Variants in STAMBP observed in about 807,000 individuals in gnomAD.
STAMBP encodes the protein STAM binding protein, also known as STAM-binding protein.
A neutral mutation model predicts 50.7 loss-of-function variants in STAMBP; 31 were observed. The ratio of observed to expected loss-of-function variants is 0.61; its 90% CI spans 0.46 to 0.83. The LOEUF is 0.83. STAMBP is among the 40% of genes least tolerant of loss of function. STAMBP has a pLI of 0.00. For synonymous variants in STAMBP, 211 were observed against 192.4 expected (o/e 1.10, Z -0.80); for missense variants, 472 against 518.9 (o/e 0.91, Z 0.88).
chr2:73,864,459 T>C lies in STAMBP; in HGVS notation c.*2200T>C, dbSNP rs1392621890. 6.6e-6 allele frequency: 1 copy of C among 152,236 alleles called. No individual in the cohort carries two copies. Among genetic ancestry groups the C allele is most frequent in the Admixed American group, 6.5e-5 (1 of 15,278 alleles). The allele number at this position is 152,236 out of a possible 1,614,324, so 9.4% of individuals were successfully genotyped here. A position where few individuals can be genotyped will look rare whatever the true frequency, so the allele number is the denominator to read the frequency against. ...CTCTGCATAGGATGGTCTAAGTGTCTCTGTCTTCATCTTACCTCTGTGGAG... is the reference window on the plus strand; with the variant it reads ...CTCTGCATAGGATGGTCTAAGTGTCCCTGTCTTCATCTTACCTCTGTGGAG... On this transcript the variant is annotated 3_prime_UTR_variant, in exon 10 of 10. Transcript: ENST00000394070.
rs1029075572 is a variant in STAMBP at position 73,829,017 on chromosome 2, C to G, written c.-506C>G. 6.6e-6 allele frequency: 1 copy of G among 152,280 alleles called. No individual in the cohort carries two copies. The highest frequency in any genetic ancestry group is 1.5e-5 in the Non-Finnish European group (1 of 68,120). The allele number at this position is 152,280 out of a possible 1,614,324, so 9.4% of individuals were successfully genotyped here. On this transcript the variant is annotated 5_prime_UTR_variant, in exon 1 of 10. Transcript: ENST00000394070. The stretch of plus-strand genomic sequence containing the variant: ...GAAAGGTGGGGAAGGGTCCCGGGAA[C>G]GTGGTGGGGCAGGGCCTCCGAGCGT...
rs139069654 is a variant in STAMBP, at chr2:73,831,053, A to G, written c.197A>G (p.Tyr66Cys). The change falls in exon 2 of 10, where the codon TAT (tyrosine) becomes TGT (cysteine). Residue 66 changes from tyrosine to cysteine, a missense_variant. By Grantham distance (194) the Tyr-to-Cys change is radical (BLOSUM62 -2). Coordinates refer to ENST00000394070, the MANE Select transcript of STAMBP (RefSeq NM_213622.4). ...CATGCCTTCATCCTCTATAACAAGTATATCACGTAAGACACCTACAGTTTC... is the reference window on the plus strand; with the variant it reads ...CATGCCTTCATCCTCTATAACAAGTGTATCACGTAAGACACCTACAGTTTC... ...IEHAFILYNK[Y>C]ITLFIEKLPK... The G allele has an allele frequency of 1.2e-6, 2 of 1,613,850 alleles. No homozygotes were observed. Among genetic ancestry groups the G allele is most frequent in the African/African-American group, 1.3e-5 (1 of 74,926 alleles).
intron 2 of STAMBP, among the ~76,000 whole-genome samples, chr2:73,840,313 G>GTTTT (rs57827239): frequency 1.8e-4 from 21 of 115,648 alleles, no homozygotes; most frequent in South Asian, 2.9e-4. Context: ...TTAGGGGTTT[G>GTTTT]TTTTTTTTTT....
chr2:73,869,813 GCAAACT>G, downstream of STAMBP, among the ~76,000 whole-genome samples: 1 of 152,282 alleles, frequency 6.6e-6, no homozygotes, highest in South Asian at 2.1e-4. Flanking sequence ...TTAAGAATCA[GCAAACT>G]TTATTGTTGA....
chr2:73,836,394 C>G (rs1211154381), intron 2 of STAMBP, among the ~76,000 whole-genome samples: 1 of 152,238 alleles, frequency 6.6e-6, no homozygotes, highest in Non-Finnish European at 1.5e-5. Flanking sequence ...GCCTCCCCCT[C>G]CCCTCCACCC....
rs1678609740 is a variant in STAMBP, at chr2:73,863,819, C to G, written c.*1560C>G. ...AGGGCTTTCTTACCTTTTATTTCGA[C>G]TGTAGCCGTTGGCTTTTACCAAGTC... On this transcript the variant is annotated 3_prime_UTR_variant, in exon 10 of 10. Transcript: ENST00000394070. 6.6e-6 allele frequency: 1 copy of G among 152,260 alleles called. No individual in the cohort carries two copies. The highest frequency in any genetic ancestry group is 2.4e-5 in the African/African-American group (1 of 41,456). The allele number at this position is 152,260 out of a possible 1,614,324, so 9.4% of individuals were successfully genotyped here.
intron 7 of STAMBP, among the ~76,000 whole-genome samples, chr2:73,858,432 G>T (rs982070959): frequency 6.6e-6 from 1 of 151,936 alleles, no homozygotes; most frequent in Admixed American, 6.5e-5. Flanking sequence ...AAGCCTCCAT[G>T]CCCAGCCTGT....
intron 2 of STAMBP, among the ~76,000 whole-genome samples, chr2:73,836,632 C>T (rs1318798970): frequency 6.6e-6 from 1 of 152,228 alleles, no homozygotes; most frequent in Admixed American, 6.5e-5. Flanking sequence ...TGGCCCGGCA[C>T]TGCTAAGGGT....
intron 10 of STAMBP, among the ~76,000 whole-genome samples, chr2:73,872,961 A>C (rs1315982267): frequency 6.6e-6 from 1 of 152,256 alleles, no homozygotes; most frequent in Non-Finnish European, 1.5e-5. Flanking sequence ...AATAATTTGC[A>C]TAACAAACCC....
At chr2:73,859,990 C>A in intron 8 of STAMBP, 62 bp from the exon 9 acceptor site, 1 of 1,168,122 alleles carries the variant, frequency 8.6e-7, no homozygotes, top group Non-Finnish European at 1.3e-6. Flanking sequence ...TGTGTGCGTG[C>A]ATATGTTTGG....
At chr2:73,841,576 A>G (rs956218195) in intron 2 of STAMBP, among the ~76,000 whole-genome samples, 1 of 152,198 alleles carries the variant, frequency 6.6e-6, no homozygotes, top group African/African-American at 2.4e-5. Flanking sequence ...ATGGTAGCAG[A>G]TATCACCTTT....
chr2:73,871,306 G>C (rs1454701566), downstream of STAMBP, among the ~76,000 whole-genome samples: 2 of 152,038 alleles, frequency 1.3e-5, no homozygotes, highest in African/African-American at 4.8e-5. Flanking sequence ...CACTTTGGGA[G>C]GCTGAGGTGG....
rs1045979038 is a variant in STAMBP at position 73,864,071 on chromosome 2, C to T, written c.*1812C>T. 2.6e-5 allele frequency: 4 copies of T among 152,132 alleles called. No individual in the cohort carries two copies. Among genetic ancestry groups the T allele is most frequent in the Admixed American group, 6.5e-5 (1 of 15,278 alleles). 9.4% of individuals were successfully genotyped at this position (152,132 alleles called of 1,614,324 possible). A position where few individuals can be genotyped will look rare whatever the true frequency, so the allele number is the denominator to read the frequency against. On this transcript the variant is annotated 3_prime_UTR_variant, in exon 10 of 10. Coordinates refer to ENST00000394070, the MANE Select transcript of STAMBP (RefSeq NM_213622.4). ...GGGAGCAATTTAAAAAATACTGATGCCTGTGTTCTACCCCCCACCAATTAA... is the reference window on the plus strand; with the variant it reads ...GGGAGCAATTTAAAAAATACTGATGTCTGTGTTCTACCCCCCACCAATTAA...
At chr2:73,870,018 G>A (rs1422613056), downstream of STAMBP, 1 of 152,186 alleles carries the variant, frequency 6.6e-6, no homozygotes, top group African/African-American at 2.4e-5. Flanking sequence ...ATCTGTAGGT[G>A]ATAGAATTAT....
chr2:73,868,542 T>A (rs1679061250), downstream of STAMBP, among the ~76,000 whole-genome samples: 1 of 152,170 alleles, frequency 6.6e-6, no homozygotes, highest in African/African-American at 2.4e-5. Context: ...AAAAATTTTT[T>A]TAAGATGAAA....
rs1388424267 is a variant in STAMBP, at chr2:73,849,360, C to T, written c.743-3C>T. 7 of 1,613,790 alleles carry T rather than the reference C, an allele frequency of 4.3e-6. No individual in the cohort carries two copies. In the African/African-American group the frequency reaches 5.3e-5, roughly 12 times the overall value. On this transcript the variant is annotated splice_polypyrimidine_tract_variant and splice_region_variant and intron_variant, in intron 5 of 9. Transcript: ENST00000394070. ...GCAGACTATTCTCCTTTCTCCTTTA[C>T]AGTTCCCACAATCGATGGATTGCGC... is the stretch of plus-strand genomic sequence containing the variant.
intron 2 of STAMBP, among the ~76,000 whole-genome samples, chr2:73,841,685 C>T (rs1181939108): frequency 1.3e-5 from 2 of 152,110 alleles, no homozygotes; most frequent in African/African-American, 4.8e-5. Flanking sequence ...GGTTGGACAC[C>T]CCTGCAAAAA....
rs375204088 is a variant in STAMBP at position 73,844,880 on chromosome 2, A to C, written c.271A>C (p.Thr91Pro). The C allele has an allele frequency of 1.9e-6, 3 of 1,613,812 alleles. No individual in the cohort carries two copies. The highest frequency in any genetic ancestry group is 2.5e-6 in the Non-Finnish European group (3 of 1,179,978). ...KSAVIPEKKD[T>P]VKKLKEIAFP... ...TGCTGTCATTCCTGAAAAGAAAGAC[A>C]CAGTAAAGGTGGGTCTTCACTTTCA... is the stretch of plus-strand genomic sequence containing the variant. The change falls in exon 3 of 10, where the codon ACA (threonine) becomes CCA (proline). Residue 91 changes from threonine to proline, a missense_variant. Coordinates refer to ENST00000394070, the MANE Select transcript of STAMBP (RefSeq NM_213622.4).
chr2:73,859,378 G>A lies in STAMBP; in HGVS notation c.1118+12G>A. On this transcript the variant is annotated intron_variant, in intron 8 of 9. Coordinates refer to ENST00000394070, the MANE Select transcript of STAMBP (RefSeq NM_213622.4). ...CCCAAGTTCCAGGAGTGAGTATAGAGGGCATGGTTCTGGGTGTTTCAAGGG... is the reference window on the plus strand; with the variant it reads ...CCCAAGTTCCAGGAGTGAGTATAGAAGGCATGGTTCTGGGTGTTTCAAGGG... 6.2e-7 allele frequency: 1 copy of A among 1,607,644 alleles called. No individual in the cohort carries two copies. The highest frequency in any genetic ancestry group is 8.5e-7 in the Non-Finnish European group (1 of 1,174,060).
Sources: allele counts gnomAD v4.1 joint callset (sites outside exome capture counted in the v4.1 genomes callset), GRCh38; gene constraint gnomAD v4.1.1; transcripts MANE v1.5; gene names NCBI Gene and HGNC (gene_info 2026-07-23, HGNC 2026-07-21).